Variants in NRIP3 observed in about 807,000 individuals in gnomAD.
The protein encoded by NRIP3 is nuclear receptor interacting protein 3, also known as nuclear receptor-interacting protein 3.
Under a neutral mutation model 29.0 loss-of-function variants are expected in NRIP3, and 31 were observed. That is an observed-to-expected ratio of 1.07 (90% CI 0.80 to 1.44). The LOEUF (loss-of-function observed/expected upper bound fraction) is 1.44. NRIP3 is among the 40% of genes most tolerant of loss of function. The pLI is 0.00. For synonymous variants in NRIP3, 131 were observed against 118.3 expected (o/e 1.11, Z -0.70); for missense variants, 314 against 297.9 (o/e 1.05, Z -0.40).
Position 8,987,440 on chromosome 11 carries a change from C to T in NRIP3, c.422+108G>A, listed in dbSNP as rs561272364. On this transcript the variant is annotated intron_variant, in intron 3 of 6. Coordinates refer to ENST00000309166, the MANE Select transcript of NRIP3 (RefSeq NM_020645.3). The stretch of plus-strand genomic sequence containing the variant: ...CCAGCTGAGATCTGAACTCTGCATA[C>T]TTCTCTTTGAGCTGCTGTAGAGACC... 35 of 832,630 alleles carry T rather than the reference C, an allele frequency of 4.2e-5. No homozygotes were observed. In the African/African-American group the frequency reaches 5.1e-4, roughly 12 times the overall value. The allele number at this position is 832,630 out of a possible 1,614,324, so 51.6% of individuals were successfully genotyped here.
chr11:9,003,989 G>T lies in NRIP3; in HGVS notation c.-54C>A, dbSNP rs1203888950. 3 of 1,416,628 alleles carry T rather than the reference G, an allele frequency of 2.1e-6. No homozygotes were observed. The allele number at this position is 1,416,628 out of a possible 1,614,324, so 87.8% of individuals were successfully genotyped here. On this transcript the variant is annotated 5_prime_UTR_variant, in exon 1 of 7. Transcript: ENST00000309166. Reference sequence around the variant, plus strand: ...ACAGCCCCCCGGCAGCCTCAGCCTCGAGCTCCTCCAGCGCCGCAAGGGCCC... The same window carrying T: ...ACAGCCCCCCGGCAGCCTCAGCCTCTAGCTCCTCCAGCGCCGCAAGGGCCC...
intron 1 of NRIP3, among the ~76,000 whole-genome samples, chr11:8,996,426 G>A (rs1333363810): frequency 2.0e-5 from 3 of 151,818 alleles, no homozygotes; most frequent in Non-Finnish European, 2.9e-5. Context: ...GACTACAGGT[G>A]CGTAGCAGCA....
intron 1 of NRIP3, among the ~76,000 whole-genome samples, chr11:8,998,265 AAAAACATAAGGCAGGCTGT>A (rs1854741964): frequency 6.6e-6 from 1 of 152,240 alleles, no homozygotes; most frequent in African/African-American, 2.4e-5. Flanking sequence ...GCAGTTGCTC[AAAAACATAAGGCAGGCTGT>A]TACACTGCCC....
At chr11:8,989,698 C>CT (rs558868107) in intron 1 of NRIP3, among the ~76,000 whole-genome samples, 62 of 152,330 alleles carry the variant, frequency 4.1e-4, no homozygotes, top group Admixed American at 2.2e-3. Flanking sequence ...AGAGGAAGTG[C>CT]TAACTCTGTC....
chr11:8,990,863 C>G (rs1237881162), intron 1 of NRIP3, among the ~76,000 whole-genome samples: 1 of 152,106 alleles, frequency 6.6e-6, no homozygotes, highest in East Asian at 1.9e-4. Context: ...ATCTCTCAAG[C>G]CCTTCTCAGT....
chr11:8,995,544 T>C (rs1829693335), intron 1 of NRIP3, among the ~76,000 whole-genome samples: 1 of 152,190 alleles, frequency 6.6e-6, no homozygotes, highest in Admixed American at 6.5e-5. Flanking sequence ...ATTGATCTGC[T>C]TCTCCCCATC....
At chr11:8,983,690 T>A in intron 6 of NRIP3, 130 bp from the exon 7 acceptor site, 2 of 934,892 alleles carry the variant, frequency 2.1e-6, no homozygotes, top group Non-Finnish European at 3.4e-6. Flanking sequence ...CATTGCTCAT[T>A]CTGATGTGTG....
At chr11:8,990,783 C>T (rs981687638) in intron 1 of NRIP3, among the ~76,000 whole-genome samples, 1 of 151,998 alleles carries the variant, frequency 6.6e-6, no homozygotes, top group Admixed American at 6.6e-5. Context: ...CAGAGCAAGA[C>T]TTTATCTCAA....
intron 1 of NRIP3, among the ~76,000 whole-genome samples, chr11:9,000,722 A>G (rs1353108780): frequency 6.6e-6 from 1 of 152,184 alleles, no homozygotes; most frequent in African/African-American, 2.4e-5. Flanking sequence ...ATAAATTACA[A>G]TAGGCAAATT....
At position 8,987,695 on chromosome 11, in the gene NRIP3, A is replaced by G. The variant is rs1433683695; in HGVS notation, c.340-65T>C. 3 of 1,191,158 alleles carry G rather than the reference A, an allele frequency of 2.5e-6. No homozygotes were observed. The African/African-American group carries it at 4.5e-5, about 18-fold the overall frequency. 73.8% of individuals were successfully genotyped at this position (1,191,158 alleles called of 1,614,324 possible). On this transcript the variant is annotated intron_variant, in intron 2 of 6. Transcript: ENST00000309166. ...AGCGAAAGGGAAAGGAGATGCAGACAGCAAGCAGCAGATGTCATATGAAAG... is the reference window on the plus strand; with the variant it reads ...AGCGAAAGGGAAAGGAGATGCAGACGGCAAGCAGCAGATGTCATATGAAAG...
At chr11:8,984,396 G>T (rs1365262537) in intron 4 of NRIP3, among the ~76,000 whole-genome samples, 2 of 151,996 alleles carry the variant, frequency 1.3e-5, no homozygotes, top group African/African-American at 4.8e-5. Context: ...TGGAGTAGCT[G>T]GGATTACCAG....
intron 1 of NRIP3, among the ~76,000 whole-genome samples, chr11:8,998,784 A>ATTTTTTTT (rs767253373): frequency 3.9e-5 from 3 of 77,570 alleles, no homozygotes; most frequent in African/African-American, 5.1e-5. Flanking sequence ...CAAACTCTTC[A>ATTTTTTTT]TTTTTTTTTT....
rs1380928347 is a variant in NRIP3 at position 8,998,789 on chromosome 11, T to TG, written c.174+4972_174+4973insC. On this transcript the variant is annotated intron_variant, in intron 1 of 6. Coordinates refer to ENST00000309166, the MANE Select transcript of NRIP3 (RefSeq NM_020645.3). ...GTTCAAAAATCAAACTCTTCATTTT[T>TG]TTTTTTTTTTTTTTTTTTTTTTGAG... Among the ~76,000 whole-genome samples the TG allele has an allele frequency of 2.3e-5, 3 of 131,954 alleles. No individual in the cohort carries two copies. In the East Asian group the frequency reaches 6.4e-4, roughly 28 times the overall value. 86.6% of individuals were successfully genotyped at this position (131,954 alleles called of 152,430 possible).
rs1414903724 is a variant in NRIP3, at chr11:8,982,975, G to A, written c.*570C>T. On this transcript the variant is annotated 3_prime_UTR_variant, in exon 7 of 7. Coordinates refer to ENST00000309166, the MANE Select transcript of NRIP3 (RefSeq NM_020645.3). ...GTCACTGACCTAATATATGAACTTAGACAATTCACTTGCCTCTCTGGACCT... is the reference window on the plus strand; with the variant it reads ...GTCACTGACCTAATATATGAACTTAAACAATTCACTTGCCTCTCTGGACCT... The A allele has an allele frequency of 2.2e-6, 1 of 456,520 alleles. No individual in the cohort carries two copies. Among genetic ancestry groups the A allele is most frequent in the Non-Finnish European group, 4.4e-6 (1 of 226,962 alleles). 28.3% of individuals were successfully genotyped at this position (456,520 alleles called of 1,614,324 possible).
intron 4 of NRIP3, 124 bp from the exon 5 acceptor site, chr11:8,984,248 G>GTTATTTTTTTT (rs139631962): frequency 9.7e-6 from 6 of 621,758 alleles, no homozygotes; most frequent in South Asian, 6.1e-5. Flanking sequence ...TTGAGCATGT[G>GTTATTTTTTTT]TTATTTTTTT....
Position 8,983,246 on chromosome 11 carries a change from A to T in NRIP3, c.*299T>A, listed in dbSNP as rs1454080932. 2.0e-6 allele frequency: 1 copy of T among 498,276 alleles called. No individual in the cohort carries two copies. Among genetic ancestry groups the T allele is most frequent in the Admixed American group, 3.7e-5 (1 of 27,358 alleles). 30.9% of individuals were successfully genotyped at this position (498,276 alleles called of 1,614,324 possible). A position where few individuals can be genotyped will look rare whatever the true frequency, so the allele number is the denominator to read the frequency against. On this transcript the variant is annotated 3_prime_UTR_variant, in exon 7 of 7. Transcript: ENST00000309166. Reference sequence around the variant, plus strand: ...CTGGCAGCCCCTATACTTGACTAATAAAAGCAAATTCCTGGAAGAAGCAGA... The same window carrying T: ...CTGGCAGCCCCTATACTTGACTAATTAAAGCAAATTCCTGGAAGAAGCAGA...
At chr11:8,990,776 A>G (rs970389315) in intron 1 of NRIP3, among the ~76,000 whole-genome samples, 3 of 152,160 alleles carry the variant, frequency 2.0e-5, no homozygotes, top group Non-Finnish European at 4.4e-5. Context: ...TGGGCAACAG[A>G]GCAAGACTTT....
At position 9,003,803 on chromosome 11, in the gene NRIP3, GC is replaced by G. The variant is rs1854860034; in HGVS notation, c.132del (p.Leu46TrpfsTer54). On this transcript the variant is annotated frameshift_variant, in exon 1 of 7. Coordinates refer to ENST00000309166, the MANE Select transcript of NRIP3 (RefSeq NM_020645.3). LOFTEE classifies it high-confidence loss of function. ...CCCAGCTTCTTGAGGCCGTCCAGGGGCAGCAGGTCGGCGGAGTCCTTGTGGA... is the reference window on the plus strand; with the variant it reads ...CCCAGCTTCTTGAGGCCGTCCAGGGGAGCAGGTCGGCGGAGTCCTTGTGGA... The part of the protein sequence containing the change: ...QFIHKDSADL[L>X]PLDGLKKLGS... 6.6e-7 allele frequency: 1 copy of G among 1,508,164 alleles called. No homozygotes were observed. The highest frequency in any genetic ancestry group is 8.9e-7 in the Non-Finnish European group (1 of 1,126,680). The allele number at this position is 1,508,164 out of a possible 1,614,324, so 93.4% of individuals were successfully genotyped here.
Position 8,985,719 on chromosome 11 carries a change from G to A in NRIP3, c.554C>T (p.Ala185Val). ...LGSLRLDCPAAVVDDNEKNLS... is the reference protein window; with the variant it reads ...LGSLRLDCPAVVVDDNEKNLS... ...CCCTCAATTCTGCTTACCAACCACA[G>A]CTGCTGGGCAGTCCAGGCGGAGGGA... is the stretch of plus-strand genomic sequence containing the variant. Residue 185 changes from alanine to valine, a missense_variant, in exon 4 of 7, where the codon GCT (alanine) becomes GTT (valine). By Grantham distance (64) the Ala-to-Val change is moderately conservative (BLOSUM62 0). Transcript: ENST00000309166. The A allele has an allele frequency of 6.2e-7, 1 of 1,613,890 alleles. No homozygotes were observed. The highest frequency in any genetic ancestry group is 1.1e-5 in the South Asian group (1 of 91,056).
Sources: gnomAD v4.1 joint callset for allele counts (sites outside exome capture counted in the v4.1 genomes callset) on GRCh38, gnomAD v4.1.1 for gene constraint, MANE v1.5 for transcripts, NCBI Gene and HGNC (gene_info 2026-07-23, HGNC 2026-07-21) for gene names.